CFAP299: variants seen among roughly 807,000 people sequenced by gnomAD.
CFAP299 encodes the protein cilia and flagella associated protein 299.
In CFAP299, 21 loss-of-function variants were observed where a neutral mutation model predicts 27.0. The observed-to-expected ratio is 0.78, with a 90% CI of 0.55 to 1.12. CFAP299 has a LOEUF of 1.12. Among genes scored for constraint, CFAP299 ranks in the 50% most tolerant of loss-of-function variants. CFAP299 has a pLI of 0.00. For synonymous variants in CFAP299, 104 were observed against 98.1 expected, an observed-to-expected ratio of 1.06 and a Z score of -0.36; for missense variants, 310 against 276.6, an observed-to-expected ratio of 1.12 and a Z score of -0.86.
At chr4:80,750,694 A>T (rs1724883145) in intron 3 of CFAP299, among the ~76,000 whole-genome samples, 1 of 152,208 alleles carries the variant, frequency 6.6e-6, no homozygotes. Context: ...TTAATGTCCT[A>T]GTTTGATCAT....
intron 2 of CFAP299, among the ~76,000 whole-genome samples, chr4:80,445,620 T>C (rs1728581506): frequency 6.6e-6 from 1 of 152,188 alleles, no homozygotes; most frequent in South Asian, 2.1e-4. Context: ...CATGTATACC[T>C]ATGTAAGAAA....
At chr4:80,614,494 G>T (rs1738169775) in intron 3 of CFAP299, among the ~76,000 whole-genome samples, 1 of 152,220 alleles carries the variant, frequency 6.6e-6, no homozygotes, top group South Asian at 2.1e-4. Flanking sequence ...GCTCGGATTT[G>T]ATTTGCAAGG....
intron 5 of CFAP299, among the ~76,000 whole-genome samples, chr4:80,955,026 AAAAAAAAAC>A (rs1737993603): frequency 4.7e-5 from 5 of 107,070 alleles, no homozygotes; most frequent in African/African-American, 1.5e-4. Context: ...AAAAAAAAAA[AAAAAAAAAC>A]GCACACATGG....
chr4:80,854,676 A>T (rs1239643948), intron 3 of CFAP299, among the ~76,000 whole-genome samples: 1 of 152,000 alleles, frequency 6.6e-6, no homozygotes, highest in Non-Finnish European at 1.5e-5. Context: ...GAATGTGAGA[A>T]AGGGTGTTCG....
At chr4:80,855,894 T>A (rs2110152645) in intron 3 of CFAP299, among the ~76,000 whole-genome samples, 1 of 151,962 alleles carries the variant, frequency 6.6e-6, no homozygotes, top group Non-Finnish European at 1.5e-5. Context: ...TATAGCAGCA[T>A]GATTTATAGT....
At chr4:80,914,625 A>T (rs1432116209) in intron 4 of CFAP299, among the ~76,000 whole-genome samples, 2 of 152,162 alleles carry the variant, frequency 1.3e-5, no homozygotes, top group Non-Finnish European at 2.9e-5. Context: ...CATTTCTCTA[A>T]TGATGAATGA....
rs951258567 is a variant in CFAP299 at position 80,378,059 on chromosome 4, A to T, written c.242+15175A>T. ...AATTACGTCCCCTGGGGTCCCTCCCACAACACCTGGGAATTCTGGGAGATA... is the reference window on the plus strand; with the variant it reads ...AATTACGTCCCCTGGGGTCCCTCCCTCAACACCTGGGAATTCTGGGAGATA... On this transcript the variant is annotated intron_variant, in intron 2 of 5. Coordinates refer to ENST00000358105, the MANE Select transcript of CFAP299 (RefSeq NM_152770.3). Among the ~76,000 whole-genome samples the T allele has an allele frequency of 5.6e-4, 86 of 152,294 alleles. 1 individual carries two copies. The highest frequency in any genetic ancestry group is 2.0e-3 in the African/African-American group (84 of 41,560).
upstream of CFAP299, among the ~76,000 whole-genome samples, chr4:80,335,215 T>A (rs1722074939): frequency 6.6e-6 from 1 of 152,208 alleles, no homozygotes; most frequent in Non-Finnish European, 1.5e-5. Context: ...CAAAGACATT[T>A]TTTTGACTGA....
In CFAP299 at chr4:80,393,941, G is replaced by A. The variant is rs537214318; in HGVS notation, c.242+31057G>A. The stretch of plus-strand genomic sequence containing the variant: ...GATCCCCACATGTCAAGAGTGGTGG[G>A]AGGTGATTGGATCATGGGGGCGGCT... On this transcript the variant is annotated intron_variant, in intron 2 of 5. Coordinates refer to ENST00000358105, the MANE Select transcript of CFAP299 (RefSeq NM_152770.3). Among the ~76,000 whole-genome samples, 117 of 152,276 alleles carry A rather than the reference G, an allele frequency of 7.7e-4. 1 individual carries two copies. The highest frequency in any genetic ancestry group is 2.6e-3 in the African/African-American group (110 of 41,560).
chr4:80,897,884 G>A (rs915125343), intron 4 of CFAP299, among the ~76,000 whole-genome samples: 4 of 152,096 alleles, frequency 2.6e-5, no homozygotes, highest in Non-Finnish European at 5.9e-5. Flanking sequence ...CCTCTTCACG[G>A]GCCTCACAAC....
chr4:80,442,371 G>A (rs1176142022), intron 2 of CFAP299, among the ~76,000 whole-genome samples: 3 of 152,164 alleles, frequency 2.0e-5, no homozygotes, highest in African/African-American at 7.2e-5. Context: ...AGACCACAGT[G>A]CAATTAAATT....
At chr4:80,849,131 A>G (rs1490961636) in intron 3 of CFAP299, among the ~76,000 whole-genome samples, 2 of 152,172 alleles carry the variant, frequency 1.3e-5, no homozygotes, top group Admixed American at 1.3e-4. Context: ...GTTACATAAA[A>G]TATTTGTCTT....
intron 2 of CFAP299, among the ~76,000 whole-genome samples, chr4:80,557,520 G>A (rs1344914357): frequency 1.3e-5 from 2 of 152,046 alleles, no homozygotes; most frequent in Non-Finnish European, 2.9e-5. Context: ...AAAACGCTGT[G>A]ATTTAGGAGT....
chr4:80,843,062 CT>C (rs1023723759), intron 3 of CFAP299, among the ~76,000 whole-genome samples: 18 of 151,078 alleles, frequency 1.2e-4, no homozygotes, highest in Non-Finnish European at 2.2e-4. Flanking sequence ...ACAATCTCTT[CT>C]TTTTTTATAT....
intron 2 of CFAP299, chr4:80,386,629 G>A: frequency 6.3e-7 from 1 of 1,597,872 alleles, no homozygotes. Context: ...CAGCATAGCG[G>A]AACTTGTAGT....
chr4:80,868,564 A>G (rs925196743), intron 3 of CFAP299, among the ~76,000 whole-genome samples: 2 of 152,172 alleles, frequency 1.3e-5, no homozygotes, highest in Admixed American at 1.3e-4. Context: ...CCACAAGGTC[A>G]TGGAAACCTT....
At chr4:80,872,142 T>C (rs2110169507) in intron 4 of CFAP299, 1 of 152,216 alleles carries the variant, frequency 6.6e-6, no homozygotes, top group African/African-American at 2.4e-5. Flanking sequence ...ATAAACTGAT[T>C]TGATTAAATG....
At chr4:80,692,033 G>C (rs1270577324) in intron 3 of CFAP299, among the ~76,000 whole-genome samples, 3 of 151,872 alleles carry the variant, frequency 2.0e-5, no homozygotes, top group Non-Finnish European at 4.4e-5. Flanking sequence ...CACTGCTCAA[G>C]GAAATAAAAG....
chr4:80,745,089 A>C (rs563165218), intron 3 of CFAP299, among the ~76,000 whole-genome samples: 1 of 150,974 alleles, frequency 6.6e-6, no homozygotes, highest in Non-Finnish European at 1.5e-5. Context: ...TGTTTCACAC[A>C]CAAAAAATGA....
Sources: allele counts gnomAD v4.1 joint callset (sites outside exome capture counted in the v4.1 genomes callset), GRCh38; gene constraint gnomAD v4.1.1; transcripts MANE v1.5; gene names NCBI Gene and HGNC (gene_info 2026-07-23, HGNC 2026-07-21).